Variants in SYNE3 observed in about 807,000 individuals in gnomAD.
SYNE3 encodes nesprin-3.
In SYNE3, 100 loss-of-function variants were observed where a neutral mutation model predicts 111.2. The ratio of observed to expected loss-of-function variants is 0.90; its 90% CI spans 0.77 to 1.06. The LOEUF is 1.06. Ranked by LOEUF, SYNE3 falls within the 50% of genes least tolerant of loss-of-function variation. The pLI is 0.00. For missense variants in SYNE3, 1,160 were observed against 1,240.3 expected (o/e 0.94, Z 0.97); for synonymous variants, 547 against 533.9 (o/e 1.02, Z -0.34).
rs1889481570 is a variant in SYNE3, at chr14:95,485,233, G to T, written c.-14-9398C>A. ...TTAGAAATCAGAAAGCAATGAAACT[G>T]CAAAGAACCCCTGCCCTTCTTGCCT... On this transcript the variant is annotated intron_variant, in intron 1 of 17. Coordinates refer to ENST00000682763, the MANE Select transcript of SYNE3 (RefSeq NM_152592.6). This position sits in a 1 kb window ranked among gnomAD's most constrained non-coding sequence, Gnocchi z 4.3. 6.6e-6 allele frequency among the ~76,000 whole-genome samples: 1 copy of T among 152,138 alleles called. No homozygotes were observed. The highest frequency in any genetic ancestry group is 1.5e-5 in the Non-Finnish European group (1 of 68,028).
intron 1 of SYNE3, among the ~76,000 whole-genome samples, chr14:95,505,185 C>T (rs940482084): frequency 6.6e-5 from 10 of 152,368 alleles, no homozygotes; most frequent in Non-Finnish European, 1.2e-4. Context: ...ACGTTGCATT[C>T]GCTGAGTTTA....
intron 17 of SYNE3, among the ~76,000 whole-genome samples, chr14:95,420,405 C>T (rs901759277): frequency 6.6e-6 from 1 of 152,222 alleles, no homozygotes; most frequent in African/African-American, 2.4e-5. Context: ...AATTAAGGTT[C>T]TCCCAAATGG....
intron 16 of SYNE3, 120 bp downstream of exon 16, chr14:95,433,140 T>C (rs10139523): frequency 0.15 from 204,795 of 1,406,362 alleles, 17,950 homozygotes; most frequent in African/African-American, 0.38. Flanking sequence ...GTCACCACTG[T>C]CTGGTGTGTG....
At position 95,409,791 on chromosome 14, in the gene SYNE3, C is replaced by G. The variant is rs756817115; in HGVS notation, c.*8035G>C. The G allele has an allele frequency of 4.6e-5, 10 of 215,584 alleles. No individual in the cohort carries two copies. The highest frequency in any genetic ancestry group is 7.6e-5 in the Non-Finnish European group (8 of 105,428). 13.4% of individuals were successfully genotyped at this position (215,584 alleles called of 1,614,324 possible). ...TTAAGTCCTCTTTGACTCTGGGCCT[C>G]TGCTGAAGCAGCCTGCAGGCACTGG... is the stretch of plus-strand genomic sequence containing the variant. On this transcript the variant is annotated 3_prime_UTR_variant, in exon 18 of 18. Transcript: ENST00000682763.
In SYNE3 at chr14:95,470,436, C is replaced by T. The variant is rs1352850438; in HGVS notation, c.145-2469G>A. ...CGCTGAGGCCAGGAGTATGCAACCA[C>T]TCTGGGCAAGACAGTGAGGCCCCAT... On this transcript the variant is annotated intron_variant, in intron 2 of 17. Transcript: ENST00000682763. The surrounding 1 kb of genome is among the most constrained non-coding windows in gnomAD (Gnocchi z 4.2). 6.6e-6 allele frequency among the ~76,000 whole-genome samples: 1 copy of T among 151,546 alleles called. No individual in the cohort carries two copies. Among genetic ancestry groups the T allele is most frequent in the African/African-American group, 2.4e-5 (1 of 41,150 alleles).
At chr14:95,476,427 G>T (rs530178322) in intron 1 of SYNE3, among the ~76,000 whole-genome samples, 1 of 152,172 alleles carries the variant, frequency 6.6e-6, no homozygotes, top group African/African-American at 2.4e-5. Context: ...TGACCTCTGC[G>T]CAGCACTCCT....
rs9671369 is a variant in SYNE3, at chr14:95,439,984, G to A, written c.2003C>T (p.Thr668Met). ...TCCCCGGTGTGCCTCCAGCTTTTGC[G>A]TGGTCACAACGATCCACTGCCGCAG... ...LELRQWIVVT[T>M]QKLEAHRGEA... Residue 668 changes from threonine (T) to methionine (M), a missense_variant, in exon 12 of 18, where the codon ACG becomes ATG. Coordinates refer to ENST00000682763, the MANE Select transcript of SYNE3 (RefSeq NM_152592.6). The A allele has an allele frequency of 0.38, 617,660 of 1,613,464 alleles. 123,533 individuals carry two copies. Among genetic ancestry groups the A allele is most frequent in the Admixed American group, 0.62 (37,278 of 60,006 alleles).
chr14:95,483,415 C>T (rs1355185427), intron 1 of SYNE3, among the ~76,000 whole-genome samples: 5 of 152,104 alleles, frequency 3.3e-5, no homozygotes, highest in Non-Finnish European at 7.3e-5. Context: ...ACACACATTC[C>T]CACCCTTATC....
intron 15 of SYNE3, among the ~76,000 whole-genome samples, chr14:95,436,142 C>G (rs977327682): frequency 6.6e-6 from 1 of 152,120 alleles, no homozygotes. Context: ...ATATCCATAC[C>G]CACTGCAATA....
chr14:95,449,728 C>T, intron 8 of SYNE3: 2 of 975,528 alleles, frequency 2.1e-6, no homozygotes, highest in Non-Finnish European at 2.4e-6. Flanking sequence ...GGTTAACCCC[C>T]AGGAGCCGAG....
At position 95,414,189 on chromosome 14, in the gene SYNE3, G is replaced by T. The variant is rs943253496; in HGVS notation, c.*3637C>A. The T allele has an allele frequency of 1.3e-5, 2 of 152,226 alleles. No individual in the cohort carries two copies. The highest frequency in any genetic ancestry group is 4.8e-5 in the African/African-American group (2 of 41,450). The allele number at this position is 152,226 out of a possible 1,614,324, so 9.4% of individuals were successfully genotyped here. Reference sequence around the variant, plus strand: ...AGAACCAGCCTGAAGCCCCCCTCCAGCCTGGGCTTTGGGGTCCTCATTGCC... The same window carrying T: ...AGAACCAGCCTGAAGCCCCCCTCCATCCTGGGCTTTGGGGTCCTCATTGCC... On this transcript the variant is annotated 3_prime_UTR_variant, in exon 18 of 18. Transcript: ENST00000682763.
At chr14:95,446,541 C>A (rs1886730733) in intron 8 of SYNE3, among the ~76,000 whole-genome samples, 1 of 152,078 alleles carries the variant, frequency 6.6e-6, no homozygotes, top group Non-Finnish European at 1.5e-5. Context: ...ACTCAGTGAT[C>A]CCCCGTCACC....
At chr14:95,468,102 A>T in intron 2 of SYNE3, 135 bp from the exon 3 acceptor site, 3 of 1,097,964 alleles carry the variant, frequency 2.7e-6, no homozygotes, top group South Asian at 3.4e-5. Context: ...CAGCCCCTGC[A>T]CCCCTTCTTG....
intron 1 of SYNE3, among the ~76,000 whole-genome samples, chr14:95,494,015 A>T (rs564586147): frequency 7.2e-5 from 11 of 152,244 alleles, no homozygotes; most frequent in Admixed American, 2.0e-4. Flanking sequence ...GGAGGCGAGA[A>T]TTCAAATCTA....
At chr14:95,481,851 G>A (rs1302836323) in intron 1 of SYNE3, among the ~76,000 whole-genome samples, 1 of 152,250 alleles carries the variant, frequency 6.6e-6, no homozygotes, top group Non-Finnish European at 1.5e-5. Context: ...GGGGGACCAG[G>A]CTTGCAGGAA....
chr14:95,456,659 C>T (rs1887457613), intron 5 of SYNE3, among the ~76,000 whole-genome samples: 1 of 152,192 alleles, frequency 6.6e-6, no homozygotes, highest in African/African-American at 2.4e-5. Flanking sequence ...AAATGCTCTG[C>T]TGGCCAGGGA....
intron 1 of SYNE3, among the ~76,000 whole-genome samples, chr14:95,496,047 G>A (rs557870619): frequency 1.3e-5 from 2 of 152,324 alleles, no homozygotes; most frequent in South Asian, 2.1e-4. Flanking sequence ...AGAGGGGCCG[G>A]GAGAAGATGA....
chr14:95,475,281 C>A (rs1888808627), intron 2 of SYNE3, among the ~76,000 whole-genome samples: 1 of 152,208 alleles, frequency 6.6e-6, no homozygotes, highest in Non-Finnish European at 1.5e-5. Flanking sequence ...CTTGGCCAAC[C>A]CAGATCTGGC....
intron 8 of SYNE3, chr14:95,449,483 G>A (rs766323099): frequency 5.5e-5 from 54 of 985,350 alleles, no homozygotes; most frequent in Non-Finnish European, 6.3e-5. Context: ...GGGGCCATGA[G>A]GCGAGACCTG....
Sources: allele counts gnomAD v4.1 joint callset (sites outside exome capture counted in the v4.1 genomes callset), GRCh38; gene constraint gnomAD v4.1.1; non-coding constraint Gnocchi (gnomAD v3.1); transcripts MANE v1.5; gene names NCBI Gene and HGNC (gene_info 2026-07-23, HGNC 2026-07-21).